Variants in TNPO3 observed in about 807,000 individuals in gnomAD.
TNPO3 encodes the protein transportin-3.
In TNPO3, 65 loss-of-function variants were observed where a neutral mutation model predicts 122.8. The ratio of observed to expected loss-of-function variants is 0.53; its 90% CI spans 0.43 to 0.65. TNPO3 has a LOEUF of 0.65. TNPO3 is among the 30% of genes least tolerant of loss of function. The probability of loss-of-function intolerance (pLI) is 0.00; values close to 1 mark genes in which losing one functional copy is unlikely to be tolerated. For synonymous variants in TNPO3, 372 were observed against 411.2 expected (o/e 0.90, Z 1.15); for missense variants, 850 against 1,136.7 (o/e 0.75, Z 3.63).
intron 1 of TNPO3, among the ~76,000 whole-genome samples, chr7:129,049,931 T>C (rs993448095): frequency 1.3e-5 from 2 of 151,854 alleles, no homozygotes; most frequent in Non-Finnish European, 2.9e-5. Context: ...GAACAAAAAA[T>C]AAAGGAGTGG....
At chr7:129,034,632 G>C (rs1806358146) in intron 1 of TNPO3, among the ~76,000 whole-genome samples, 1 of 152,118 alleles carries the variant, frequency 6.6e-6, no homozygotes, top group Admixed American at 6.5e-5. Flanking sequence ...GCTCACGCCT[G>C]TAATCCCAGC....
At position 128,980,017 on chromosome 7, in the gene TNPO3, A is replaced by G. The variant is rs200950202; in HGVS notation, c.1874T>C (p.Ile625Thr). ...LAVIFRHTNP[I>T]VENGQTHPCQ... ...CGGATGAGTCTGTCCATTTTCCACAATGGGATTGGTATGCCTGGGAAAAGA... is the reference window on the plus strand; with the variant it reads ...CGGATGAGTCTGTCCATTTTCCACAGTGGGATTGGTATGCCTGGGAAAAGA... The change falls in exon 15 of 23, where the codon ATT becomes ACT. Residue 625 changes from isoleucine (I) to threonine (T), a missense_variant. Ile to Thr is a moderately conservative substitution (Grantham distance 89). Coordinates refer to ENST00000265388, the MANE Select transcript of TNPO3 (RefSeq NM_012470.4). The G allele has an allele frequency of 3.1e-6, 5 of 1,614,112 alleles. No homozygotes were observed. The Admixed American group carries it at 8.3e-5, about 27-fold the overall frequency.
chr7:128,979,894 T>C, intron 15 of TNPO3, 77 bp downstream of exon 15: 3 of 1,316,820 alleles, frequency 2.3e-6, no homozygotes, highest in Non-Finnish European at 2.2e-6. Flanking sequence ...GACAGTATCT[T>C]CTCAGGTGAG....
chr7:129,009,786 C>G (rs970335806), intron 4 of TNPO3, among the ~76,000 whole-genome samples: 1 of 152,212 alleles, frequency 6.6e-6, no homozygotes, highest in African/African-American at 2.4e-5. Context: ...CTAAAAGCAG[C>G]TCTTACTTTT....
intron 1 of TNPO3, among the ~76,000 whole-genome samples, chr7:129,026,222 T>C (rs1035703256): frequency 6.6e-6 from 1 of 151,966 alleles, no homozygotes; most frequent in South Asian, 2.1e-4. Flanking sequence ...TAAACATTTC[T>C]ATCTCCTTAA....
intron 1 of TNPO3, among the ~76,000 whole-genome samples, chr7:129,053,996 A>C (rs754841179): frequency 6.6e-6 from 1 of 152,248 alleles, no homozygotes; most frequent in Non-Finnish European, 1.5e-5. Flanking sequence ...TATAAATAAA[A>C]ATCTAAAAGC....
At chr7:128,980,714 A>C (rs528223687) in intron 14 of TNPO3, among the ~76,000 whole-genome samples, 8 of 152,176 alleles carry the variant, frequency 5.3e-5, no homozygotes, top group Middle Eastern at 3.4e-3. Context: ...AAACAAACAA[A>C]AACAACAACA....
intron 1 of TNPO3, among the ~76,000 whole-genome samples, chr7:129,025,480 T>C (rs1030264909): frequency 6.8e-6 from 1 of 147,078 alleles, no homozygotes; most frequent in Admixed American, 6.9e-5. Context: ...AGGATTACTA[T>C]AAAAGGACAG....
Position 129,001,275 on chromosome 7 carries a change from A to G in TNPO3, c.697-41T>C, listed in dbSNP as rs372384457. The G allele has an allele frequency of 3.9e-5, 61 of 1,562,164 alleles. No individual in the cohort carries two copies. In the African/African-American group the frequency reaches 7.8e-4, roughly 20 times the overall value. On this transcript the variant is annotated intron_variant, in intron 5 of 22. Coordinates refer to ENST00000265388, the MANE Select transcript of TNPO3 (RefSeq NM_012470.4). ...GAATAGGGAAGCAAGAAGTATGATC[A>G]CTAAGGAGTGATCTACAGTTGGCCC...
At chr7:128,959,841 G>A (rs2128978422) in intron 21 of TNPO3, among the ~76,000 whole-genome samples, 1 of 152,152 alleles carries the variant, frequency 6.6e-6, no homozygotes, top group East Asian at 1.9e-4. Flanking sequence ...GGCCAACATG[G>A]TGAAATCCAT....
At position 129,004,073 on chromosome 7, in the gene TNPO3, C is replaced by T. The variant is rs1008343150; in HGVS notation, c.696+943G>A. Among the ~76,000 whole-genome samples, 3 of 152,136 alleles carry T rather than the reference C, an allele frequency of 2.0e-5. No homozygotes were observed. The South Asian group carries it at 6.2e-4, about 32-fold the overall frequency. On this transcript the variant is annotated intron_variant, in intron 5 of 22. Transcript: ENST00000265388. ...TGGAGACAGACAATGGCAAGCAAAA[C>T]AATGATTGGCATCCTAATTTTCCTA...
chr7:128,977,929 T>A (rs1046018720), intron 16 of TNPO3, among the ~76,000 whole-genome samples: 1 of 152,094 alleles, frequency 6.6e-6, no homozygotes, highest in Non-Finnish European at 1.5e-5. Flanking sequence ...AGGACCTCCT[T>A]AAAATCTGCA....
intron 21 of TNPO3, among the ~76,000 whole-genome samples, chr7:128,962,178 A>C (rs1439250897): frequency 6.6e-6 from 1 of 151,974 alleles, no homozygotes; most frequent in Admixed American, 6.6e-5. Flanking sequence ...ATCCTGGCTA[A>C]CAAGGTGAAA....
chr7:129,027,871 T>G (rs1805441965), intron 1 of TNPO3, among the ~76,000 whole-genome samples: 1 of 152,146 alleles, frequency 6.6e-6, no homozygotes, highest in African/African-American at 2.4e-5. Context: ...TCCAAACTCT[T>G]GAGTTGGGAC....
chr7:129,046,412 G>A (rs1182918622), intron 1 of TNPO3, among the ~76,000 whole-genome samples: 1 of 152,078 alleles, frequency 6.6e-6, no homozygotes, highest in African/African-American at 2.4e-5. Flanking sequence ...TACTGAAGTT[G>A]TATAGGAATA....
At chr7:129,041,928 C>T (rs1399911491) in intron 1 of TNPO3, among the ~76,000 whole-genome samples, 2 of 152,134 alleles carry the variant, frequency 1.3e-5, no homozygotes, top group Admixed American at 1.3e-4. Context: ...AGTACTTGCT[C>T]CCTTTTTTGT....
intron 21 of TNPO3, among the ~76,000 whole-genome samples, chr7:128,960,439 C>T (rs1255028452): frequency 1.3e-5 from 2 of 152,106 alleles, no homozygotes; most frequent in African/African-American, 4.8e-5. Context: ...ATGTGTGTTA[C>T]TGCCCTTGAA....
intron 1 of TNPO3, among the ~76,000 whole-genome samples, chr7:129,047,855 C>CA (rs1808236890): frequency 6.6e-6 from 1 of 152,134 alleles, no homozygotes; most frequent in African/African-American, 2.4e-5. Flanking sequence ...TTCCAGTAGA[C>CA]AAAATCTTCC....
intron 10 of TNPO3, among the ~76,000 whole-genome samples, chr7:128,990,454 C>G (rs1321400519): frequency 6.6e-6 from 1 of 152,202 alleles, no homozygotes; most frequent in East Asian, 1.9e-4. Context: ...AGTCCTATAG[C>G]TGCAGCACCT....
Sources: allele counts gnomAD v4.1 joint callset (sites outside exome capture counted in the v4.1 genomes callset), GRCh38; gene constraint gnomAD v4.1.1; transcripts MANE v1.5; gene names NCBI Gene and HGNC (gene_info 2026-07-23, HGNC 2026-07-21).